The following DSCAM variants were observed in gnomAD, a reference collection of about 807,000 sequenced individuals.
DSCAM encodes cell adhesion molecule DSCAM.
In DSCAM, 47 loss-of-function variants were observed where a neutral mutation model predicts 217.7. The observed-to-expected ratio is 0.22, with a 90% CI of 0.17 to 0.28. The LOEUF (loss-of-function observed/expected upper bound fraction) is 0.28. DSCAM is among the 10% of genes least tolerant of loss of function. The probability of loss-of-function intolerance (pLI) is 1.00; values close to 1 mark genes in which losing one functional copy is unlikely to be tolerated. For missense variants in DSCAM, 2,080 were observed against 2,618.3 expected (o/e 0.79, Z 4.49); for synonymous variants, 1,056 against 1,015.3 (o/e 1.04, Z -0.76).
At chr21:40,552,808 T>C (rs1184547731) in intron 3 of DSCAM, among the ~76,000 whole-genome samples, 1 of 152,244 alleles carries the variant, frequency 6.6e-6, no homozygotes, top group African/African-American at 2.4e-5. Flanking sequence ...GCCACATAAA[T>C]AGTTTTGAGA....
At chr21:40,372,061 T>C (rs970035657) in intron 3 of DSCAM, among the ~76,000 whole-genome samples, 1 of 152,194 alleles carries the variant, frequency 6.6e-6, no homozygotes, top group African/African-American at 2.4e-5. Context: ...CCAGGGTCCT[T>C]GGGTACAGTC....
chr21:40,800,873 G>C (rs933735480), intron 1 of DSCAM, among the ~76,000 whole-genome samples: 2 of 149,054 alleles, frequency 1.3e-5, no homozygotes, highest in Non-Finnish European at 3.0e-5. Flanking sequence ...ACACCACCAC[G>C]CCCAACTAAT....
At chr21:40,453,102 T>A (rs77726371) in intron 3 of DSCAM, among the ~76,000 whole-genome samples, 10,508 of 146,340 alleles carry the variant, frequency 0.072, 714 homozygotes, top group African/African-American at 0.17. Context: ...GAGATATATG[T>A]GTATATCTAC....
chr21:40,715,202 C>T (rs1445663402), intron 1 of DSCAM, among the ~76,000 whole-genome samples: 4 of 152,230 alleles, frequency 2.6e-5, no homozygotes, highest in Non-Finnish European at 5.9e-5. Context: ...CACACTCATA[C>T]AGAATAGGTG....
intron 8 of DSCAM, among the ~76,000 whole-genome samples, chr21:40,321,849 C>T (rs953976840): frequency 2.0e-5 from 3 of 152,144 alleles, no homozygotes; most frequent in African/African-American, 7.2e-5. Flanking sequence ...GCAACTGCAC[C>T]TGACCCACCT....
At chr21:40,014,939 G>T (rs140664018) in intron 32 of DSCAM, among the ~76,000 whole-genome samples, 8 of 152,098 alleles carry the variant, frequency 5.3e-5, no homozygotes, top group Non-Finnish European at 1.2e-4. Context: ...TATTTTTGTT[G>T]TTGGCCCTTT....
chr21:40,834,608 C>G (rs1221916874), intron 1 of DSCAM, among the ~76,000 whole-genome samples: 1 of 151,972 alleles, frequency 6.6e-6, no homozygotes, highest in Non-Finnish European at 1.5e-5. Flanking sequence ...TTTAGGGAGA[C>G]ACTTCCAGGA....
intron 1 of DSCAM, among the ~76,000 whole-genome samples, chr21:40,729,383 C>T (rs1247040645): frequency 3.9e-5 from 6 of 152,208 alleles, no homozygotes; most frequent in South Asian, 2.1e-4. Flanking sequence ...AGTTCTGTTT[C>T]CAGCTCCTTA....
chr21:40,784,174 C>G (rs1259534300), intron 1 of DSCAM, among the ~76,000 whole-genome samples: 1 of 151,926 alleles, frequency 6.6e-6, no homozygotes, highest in African/African-American at 2.4e-5. Context: ...CCAAATCTCA[C>G]CTTGAATTGT....
chr21:40,822,979 G>A (rs529249958), intron 1 of DSCAM, among the ~76,000 whole-genome samples: 29 of 152,122 alleles, frequency 1.9e-4, no homozygotes, highest in Middle Eastern at 3.4e-3. Context: ...GCGAAACCCC[G>A]TCTCTACTAA....
At chr21:40,650,489 A>G (rs777244625) in intron 3 of DSCAM, among the ~76,000 whole-genome samples, 1 of 152,260 alleles carries the variant, frequency 6.6e-6, no homozygotes, top group Non-Finnish European at 1.5e-5. Context: ...TGAACTGAGT[A>G]AAGAAGATTG....
At chr21:40,431,251 CAA>C (rs1313271596) in intron 3 of DSCAM, among the ~76,000 whole-genome samples, 3 of 152,218 alleles carry the variant, frequency 2.0e-5, no homozygotes, top group African/African-American at 7.2e-5. Context: ...CACTGATACA[CAA>C]ATTTTCTTCT....
At chr21:40,128,096 C>T (rs2090115158) in intron 19 of DSCAM, among the ~76,000 whole-genome samples, 2 of 151,532 alleles carry the variant, frequency 1.3e-5, no homozygotes, top group Admixed American at 1.3e-4. Flanking sequence ...TGAGACTCTT[C>T]TTCATCATTG....
chr21:40,405,529 G>T (rs1466964973), intron 3 of DSCAM, among the ~76,000 whole-genome samples: 1 of 152,100 alleles, frequency 6.6e-6, no homozygotes, highest in African/African-American at 2.4e-5. Flanking sequence ...AAAAGCTTCT[G>T]CACAGCAAAG....
chr21:40,659,400 C>A (rs1324807936), intron 3 of DSCAM, among the ~76,000 whole-genome samples: 3 of 145,102 alleles, frequency 2.1e-5, no homozygotes, highest in Admixed American at 7.0e-5. Flanking sequence ...TATCATCTCT[C>A]TCATCTCTCT....
intron 10 of DSCAM, among the ~76,000 whole-genome samples, chr21:40,292,902 A>T (rs1319736691): frequency 2.0e-5 from 3 of 151,868 alleles, no homozygotes; most frequent in Non-Finnish European, 4.4e-5. Context: ...CGCGTGGCTA[A>T]TTTTTTTGCA....
chr21:40,773,371 A>T (rs1456380058), intron 1 of DSCAM, among the ~76,000 whole-genome samples: 1 of 151,700 alleles, frequency 6.6e-6, no homozygotes, highest in African/African-American at 2.4e-5. Flanking sequence ...TAGACACACA[A>T]CTCCAATTTC....
chr21:40,037,095 A>G (rs1158259314), intron 32 of DSCAM, among the ~76,000 whole-genome samples: 3 of 150,228 alleles, frequency 2.0e-5, no homozygotes, highest in Admixed American at 1.3e-4. Context: ...CATTCCCTTG[A>G]AAACTGGCAC....
intron 1 of DSCAM, among the ~76,000 whole-genome samples, chr21:40,760,010 TATGA>T (rs1285694697): frequency 2.4e-5 from 3 of 123,978 alleles, no homozygotes; most frequent in Non-Finnish European, 5.2e-5. Context: ...TTTATTTATT[TATGA>T]GACAGAGTCT....
Sources: allele counts gnomAD v4.1 joint callset (sites outside exome capture counted in the v4.1 genomes callset), GRCh38; gene constraint gnomAD v4.1.1; transcripts MANE v1.5; gene names NCBI Gene and HGNC (gene_info 2026-07-23, HGNC 2026-07-21).